Variants in CUL1 observed in about 807,000 individuals in gnomAD.
CUL1 encodes cullin-1.
Under a neutral mutation model 118.0 loss-of-function variants are expected in CUL1, and 24 were observed. The ratio of observed to expected loss-of-function variants is 0.20; its 90% CI spans 0.15 to 0.29. CUL1 has a LOEUF of 0.29. CUL1 is among the 10% of genes least tolerant of loss of function. CUL1 has a pLI of 1.00. For missense variants in CUL1, 361 were observed against 933.8 expected (o/e 0.39, Z 7.99); for synonymous variants, 332 against 340.4 (o/e 0.98, Z 0.27).
At chr7:148,736,329 T>C (rs1316276530) in intron 2 of CUL1, among the ~76,000 whole-genome samples, 1 of 152,194 alleles carries the variant, frequency 6.6e-6, no homozygotes, top group Non-Finnish European at 1.5e-5. Context: ...GATAGAGTCT[T>C]GCCCTTTCAC....
intron 4 of CUL1, 22 bp downstream of exon 4, chr7:148,757,172 G>GT: frequency 7.1e-7 from 1 of 1,398,880 alleles, no homozygotes; most frequent in East Asian, 2.7e-5. Context: ...GTTTTAAAAC[G>GT]TTTTAAATTT....
chr7:148,726,016 T>C (rs1251944029), intron 1 of CUL1, among the ~76,000 whole-genome samples: 1 of 152,228 alleles, frequency 6.6e-6, no homozygotes, highest in Non-Finnish European at 1.5e-5. Context: ...ATATTTGGAA[T>C]ATAAACTGAG....
intron 14 of CUL1, 140 bp from the exon 15 acceptor site, chr7:148,789,610 T>C: frequency 1.4e-6 from 1 of 699,646 alleles, no homozygotes. Context: ...TTCTTAATTT[T>C]ATATTCAAGC....
chr7:148,766,385 C>T (rs1156541014), intron 7 of CUL1, among the ~76,000 whole-genome samples, 176 bp from the exon 8 acceptor site: 3 of 152,192 alleles, frequency 2.0e-5, no homozygotes, highest in Admixed American at 6.5e-5. Context: ...TTCAGCCACC[C>T]AAAGTGGCTG....
intron 1 of CUL1, among the ~76,000 whole-genome samples, chr7:148,700,588 A>G (rs1022154454): frequency 1.3e-5 from 2 of 152,218 alleles, no homozygotes; most frequent in African/African-American, 4.8e-5. Context: ...GTTGTTTTCC[A>G]TGGTGAGTCG....
At chr7:148,799,450 A>G (rs1001498297) in intron 21 of CUL1, 62 bp downstream of exon 21, 10 of 1,135,124 alleles carry the variant, frequency 8.8e-6, no homozygotes, top group Admixed American at 1.9e-5. Context: ...AGATGTAGCA[A>G]AAAGTGGATT....
intron 16 of CUL1, among the ~76,000 whole-genome samples, chr7:148,792,142 T>C (rs951932276): frequency 2.6e-5 from 4 of 151,256 alleles, no homozygotes; most frequent in African/African-American, 7.3e-5. Context: ...GTCGAGATTG[T>C]GCCACTGCAC....
chr7:148,779,826 A>G (rs1052968756), intron 9 of CUL1, among the ~76,000 whole-genome samples: 1 of 152,218 alleles, frequency 6.6e-6, no homozygotes, highest in Non-Finnish European at 1.5e-5. Flanking sequence ...AAAGGAGATT[A>G]GCATTTGAGT....
intron 17 of CUL1, among the ~76,000 whole-genome samples, chr7:148,796,023 G>A (rs1305517804): frequency 1.3e-5 from 2 of 151,854 alleles, no homozygotes; most frequent in Non-Finnish European, 1.5e-5. Context: ...AGAATTTGTG[G>A]CAAGAACAAG....
chr7:148,739,467 G>A (rs1799071516), intron 2 of CUL1, among the ~76,000 whole-genome samples: 1 of 152,126 alleles, frequency 6.6e-6, no homozygotes, highest in African/African-American at 2.4e-5. Context: ...GGCACCTCTC[G>A]GGCTGCCATG....
chr7:148,786,288 T>G (rs1305194811), intron 11 of CUL1, among the ~76,000 whole-genome samples: 1 of 152,234 alleles, frequency 6.6e-6, no homozygotes, highest in Non-Finnish European at 1.5e-5. Context: ...TTCAGAATGT[T>G]TTTGGAAATG....
At chr7:148,777,894 C>T (rs1480649801) in intron 9 of CUL1, among the ~76,000 whole-genome samples, 3 of 151,040 alleles carry the variant, frequency 2.0e-5, no homozygotes, top group South Asian at 2.1e-4. Context: ...GGTGAAATCC[C>T]GTCTCTACTA....
chr7:148,701,014 G>A (rs1797703977), intron 1 of CUL1, among the ~76,000 whole-genome samples: 1 of 152,130 alleles, frequency 6.6e-6, no homozygotes, highest in Non-Finnish European at 1.5e-5. Context: ...TCTTCTAGCT[G>A]TAATTAACTA....
chr7:148,759,309 A>T lies in CUL1; in HGVS notation c.489A>T (p.Ala163=), dbSNP rs769923947. ...TTGTACTTTTTTTTCTCCAGCTTGC[A>T]TTGGTGACTTGGAGAGACTGTCTGT... is the stretch of plus-strand genomic sequence containing the variant. ...RKGIYEIYSL[A]LVTWRDCLFR... The change falls in exon 5 of 22, where the codon GCA becomes GCT. Residue 163 remains alanine (A), a synonymous_variant. Coordinates refer to ENST00000325222, the MANE Select transcript of CUL1 (RefSeq NM_003592.3). The T allele has an allele frequency of 6.2e-7, 1 of 1,613,932 alleles. No homozygotes were observed. The highest frequency in any genetic ancestry group is 8.5e-7 in the Non-Finnish European group (1 of 1,179,860).
Position 148,768,612 on chromosome 7 carries a change from G to A in CUL1, c.1083+863G>A, listed in dbSNP as rs560833608. 4.6e-5 allele frequency among the ~76,000 whole-genome samples: 7 copies of A among 151,854 alleles called. 1 individual carries two copies. Among genetic ancestry groups the A allele is most frequent in the South Asian group, 2.1e-4 (1 of 4,790 alleles). ...GTTGGCCAGGCTGGTCTCAAACTCCGGACCTCAGGTGATTCGCCCGCCTTG... is the reference window on the plus strand; with the variant it reads ...GTTGGCCAGGCTGGTCTCAAACTCCAGACCTCAGGTGATTCGCCCGCCTTG... On this transcript the variant is annotated intron_variant, in intron 9 of 21. Transcript: ENST00000325222.
At chr7:148,762,918 G>A (rs1360470369) in intron 7 of CUL1, among the ~76,000 whole-genome samples, 7 of 152,320 alleles carry the variant, frequency 4.6e-5, no homozygotes, top group Admixed American at 4.6e-4. Context: ...AGGCCGAGGT[G>A]GGCAGATTGC....
At chr7:148,708,531 C>T (rs1333324854) in intron 1 of CUL1, among the ~76,000 whole-genome samples, 1 of 152,256 alleles carries the variant, frequency 6.6e-6, no homozygotes, top group Non-Finnish European at 1.5e-5. Context: ...CAGGACTTGC[C>T]TGGCTTCCTT....
At chr7:148,727,573 G>A (rs1798629339) in intron 1 of CUL1, among the ~76,000 whole-genome samples, 1 of 152,156 alleles carries the variant, frequency 6.6e-6, no homozygotes, top group Non-Finnish European at 1.5e-5. Flanking sequence ...CAGGTTTATG[G>A]CCTGGAGTAA....
intron 2 of CUL1, among the ~76,000 whole-genome samples, chr7:148,752,218 T>G (rs1014782882): frequency 6.6e-6 from 1 of 152,218 alleles, no homozygotes; most frequent in Admixed American, 6.5e-5. Context: ...TGGTGCTATT[T>G]GCTAGGGTAA....
Sources: allele counts gnomAD v4.1 joint callset (sites outside exome capture counted in the v4.1 genomes callset), GRCh38; gene constraint gnomAD v4.1.1; transcripts MANE v1.5; gene names NCBI Gene and HGNC (gene_info 2026-07-23, HGNC 2026-07-21).